ESR2: variants seen among roughly 807,000 people sequenced by gnomAD.
ESR2 encodes estrogen receptor 2.
ESR2 carries 36 observed loss-of-function variants against 49.6 expected under a neutral mutation model. That is an observed-to-expected ratio of 0.73 (90% CI 0.56 to 0.96). ESR2 has a LOEUF of 0.96. Among genes scored for constraint, ESR2 ranks in the 40% least tolerant of loss-of-function variants. The pLI, the probability that ESR2 is intolerant of heterozygous loss-of-function variation, is 0.00. For synonymous variants in ESR2, 320 were observed against 266.1 expected (o/e 1.20, Z -1.97); for missense variants, 714 against 693.0 (o/e 1.03, Z -0.34).
chr14:64,310,600 C>G (rs1467079758), intron 1 of ESR2, among the ~76,000 whole-genome samples: 1 of 151,560 alleles, frequency 6.6e-6, no homozygotes, highest in Non-Finnish European at 1.5e-5. Context: ...GCCTCCCAAG[C>G]AGCTGGAATT....
At chr14:64,227,427 C>G (rs1196044529), downstream of ESR2, 2 of 1,326,706 alleles carry the variant, frequency 1.5e-6, no homozygotes, top group Non-Finnish European at 1.0e-6. Flanking sequence ...TATTTTAACT[C>G]TTTCTTTAAA....
At chr14:64,257,529 A>C (rs2076128952) in intron 5 of ESR2, 165 bp from the exon 6 acceptor site, 1 of 852,546 alleles carries the variant, frequency 1.2e-6, no homozygotes, top group Non-Finnish European at 1.8e-6. Context: ...GAAAACTTTG[A>C]AGTTAAGCTG....
At chr14:64,260,122 G>C in intron 5 of ESR2, 1 of 541,762 alleles carries the variant, frequency 1.8e-6, no homozygotes, top group Admixed American at 2.1e-5. Flanking sequence ...TTTGTGCAAG[G>C]TGGTATGGGA....
rs908413761 is a variant in ESR2 at position 64,260,092 on chromosome 14, T to C, written c.952+357A>G. ...CCAACAGGTGAGTGTCTGTAGCAGA[T>C]GTGGACACACAGGATAGGGTTTGTG... On this transcript the variant is annotated intron_variant, in intron 5 of 8. Coordinates refer to ENST00000341099, the MANE Select transcript of ESR2 (RefSeq NM_001437.3). 1.4e-5 allele frequency: 7 copies of C among 484,746 alleles called. No homozygotes were observed. The East Asian group carries it at 4.3e-4, about 30-fold the overall frequency. 30.0% of individuals were successfully genotyped at this position (484,746 alleles called of 1,614,324 possible). A position where few individuals can be genotyped will look rare whatever the true frequency, so the allele number is the denominator to read the frequency against.
upstream of ESR2, among the ~76,000 whole-genome samples, chr14:64,296,043 C>CAAAAAAAAAA: frequency 2.2e-5 from 2 of 89,258 alleles, no homozygotes; most frequent in African/African-American, 4.6e-5. Context: ...GACTCTGTCT[C>CAAAAAAAAAA]AAAAAAAAAA....
rs185147724 is a variant in ESR2, at chr14:64,314,305, T to C, written c.-91+23593A>G. ...GGGAAATTTTAAAAATACATGGAAC[T>C]GAATGAAAATGAAAATAAAACATAT... On this transcript the variant is annotated intron_variant, in intron 1 of 8. Coordinates refer to the ESR2 transcript ENST00000358599. Among the ~76,000 whole-genome samples, 10 of 149,406 alleles carry C rather than the reference T, an allele frequency of 6.7e-5. No homozygotes were observed. The East Asian group carries it at 1.8e-3, about 27-fold the overall frequency.
intron 3 of ESR2, among the ~76,000 whole-genome samples, chr14:64,279,013 A>G (rs376498375): frequency 1.1e-4 from 17 of 152,308 alleles, no homozygotes; most frequent in African/African-American, 3.8e-4. Context: ...GAAGCCTGCT[A>G]CCTGGAGGCT....
intron 1 of ESR2, among the ~76,000 whole-genome samples, chr14:64,333,515 G>A (rs982993659): frequency 6.6e-6 from 1 of 152,090 alleles, no homozygotes; most frequent in East Asian, 1.9e-4. Context: ...TCACACTGCT[G>A]ATAAAGACAT....
chr14:64,329,907 G>A (rs1036001932), intron 1 of ESR2: 2 of 152,300 alleles, frequency 1.3e-5, no homozygotes, highest in Non-Finnish European at 1.5e-5. Flanking sequence ...GGGAGGCCAA[G>A]GCGGGCAGAT....
chr14:64,266,195 G>A (rs892975952), intron 4 of ESR2, among the ~76,000 whole-genome samples: 7 of 152,134 alleles, frequency 4.6e-5, no homozygotes, highest in African/African-American at 1.7e-4. Context: ...TTGTATCAAA[G>A]CTCATATGAG....
In ESR2 at chr14:64,231,309, G is replaced by C. The variant is rs2098727027; in HGVS notation, c.*1828C>G. 6.6e-6 allele frequency: 1 copy of C among 152,142 alleles called. No homozygotes were observed. 9.4% of individuals were successfully genotyped at this position (152,142 alleles called of 1,614,324 possible). A position where few individuals can be genotyped will look rare whatever the true frequency, so the allele number is the denominator to read the frequency against. On this transcript the variant is annotated 3_prime_UTR_variant, in exon 9 of 9. Coordinates refer to ENST00000341099, the MANE Select transcript of ESR2 (RefSeq NM_001437.3). ...TTTGCCTCTTACTTCCTACTCTCCA[G>C]CTTCCAAACCCCTCTATTGGGAGTG...
chr14:64,259,102 T>G (rs1030282553), intron 5 of ESR2, among the ~76,000 whole-genome samples: 1 of 152,196 alleles, frequency 6.6e-6, no homozygotes, highest in Admixed American at 6.5e-5. Context: ...TGGAATACAT[T>G]TAAAGCAAAA....
At chr14:64,268,669 CAACA>C (rs1309539794) in intron 4 of ESR2, 122 bp downstream of exon 4, 3 of 658,984 alleles carry the variant, frequency 4.6e-6, no homozygotes, top group Non-Finnish European at 5.4e-6. Context: ...TCCAATGTGA[CAACA>C]CGCAAATACT....
In ESR2 at chr14:64,260,655, C is replaced by T. The variant is rs2076198439; in HGVS notation, c.746G>A (p.Gly249Asp). The T allele has an allele frequency of 3.7e-6, 6 of 1,601,624 alleles. No homozygotes were observed. The East Asian group carries it at 1.1e-4, about 30-fold the overall frequency. Reference sequence around the variant, plus strand: ...CTCCCGCACTCGGGGCGCGTGGCCGCCACTTCTCTTGGCCTTGCCGGCACA... The same window carrying T: ...CTCCCGCACTCGGGGCGCGTGGCCGTCACTTCTCTTGGCCTTGCCGGCACA... ...LHCAGKAKRS[G>D]GHAPRVRELL... Residue 249 changes from glycine to aspartate, a missense_variant, in exon 5 of 9, where the codon GGC (glycine) becomes GAC (aspartate). Physicochemically the swap from Gly to Asp is moderately conservative, Grantham distance 94 (BLOSUM62 -1). Coordinates refer to ENST00000341099, the MANE Select transcript of ESR2 (RefSeq NM_001437.3).
chr14:64,231,439 G>A lies in ESR2; in HGVS notation c.*1698C>T, dbSNP rs1567723735. 1 of 152,164 alleles carries A rather than the reference G, an allele frequency of 6.6e-6. No homozygotes were observed. Among genetic ancestry groups the A allele is most frequent in the Admixed American group, 6.5e-5 (1 of 15,276 alleles). 9.4% of individuals were successfully genotyped at this position (152,164 alleles called of 1,614,324 possible). A position where few individuals can be genotyped will look rare whatever the true frequency, so the allele number is the denominator to read the frequency against. On this transcript the variant is annotated 3_prime_UTR_variant, in exon 9 of 9. Coordinates refer to ENST00000341099, the MANE Select transcript of ESR2 (RefSeq NM_001437.3). ...GCCTGTACTAAATCTTACTAAAGCT[G>A]TAACTGAGTCTCTAAGAATAACTTC...
intron 3 of ESR2, among the ~76,000 whole-genome samples, chr14:64,273,289 A>G (rs1158212845): frequency 6.6e-6 from 1 of 152,124 alleles, no homozygotes; most frequent in Non-Finnish European, 1.5e-5. Flanking sequence ...TTCCTTTCCA[A>G]TTTAGATGCC....
chr14:64,272,466 T>C (rs978065214), intron 3 of ESR2, among the ~76,000 whole-genome samples: 3 of 152,210 alleles, frequency 2.0e-5, no homozygotes, highest in Non-Finnish European at 2.9e-5. Flanking sequence ...TCAAGAAATA[T>C]TTGCCCCACC....
chr14:64,305,932 C>T (rs1183604203), intron 1 of ESR2, among the ~76,000 whole-genome samples: 1 of 152,090 alleles, frequency 6.6e-6, no homozygotes, highest in East Asian at 1.9e-4. Context: ...AAAAATAGGC[C>T]GGGCACGGTG....
Position 64,251,323 on chromosome 14 carries a change from CA to C in ESR2, c.1092-1645del, listed in dbSNP as rs557050733. Among the ~76,000 whole-genome samples the C allele has an allele frequency of 3.3e-3, 451 of 135,000 alleles. 2 individuals carry two copies. Among genetic ancestry groups the C allele is most frequent in the African/African-American group, 0.012 (425 of 36,264 alleles). 88.6% of individuals were successfully genotyped at this position (135,000 alleles called of 152,430 possible). A position where few individuals can be genotyped will look rare whatever the true frequency, so the allele number is the denominator to read the frequency against. ...TCTATGGGGCAAAAAAAAAAAAAAA[CA>C]AAAAAACCCACCAACTCCTGCATTG... On this transcript the variant is annotated intron_variant, in intron 6 of 8. Transcript: ENST00000341099.
Sources: gnomAD v4.1 joint callset for allele counts (sites outside exome capture counted in the v4.1 genomes callset) on GRCh38, gnomAD v4.1.1 for gene constraint, MANE v1.5 for transcripts, NCBI Gene and HGNC (gene_info 2026-07-23, HGNC 2026-07-21) for gene names.